CDC42: variants seen among roughly 807,000 people sequenced by gnomAD.
CDC42 encodes cell division cycle 42, also known as cell division control protein 42 homolog.
Under a neutral mutation model 20.8 loss-of-function variants are expected in CDC42, and 1 was observed. The ratio of observed to expected loss-of-function variants is 0.05; its 90% CI spans 0.02 to 0.23. The LOEUF is 0.23. CDC42 is among the 10% of genes least tolerant of loss of function. The pLI is 1.00. For missense variants in CDC42, 49 were observed against 227.9 expected (o/e 0.21, Z 5.05); for synonymous variants, 72 against 84.8 (o/e 0.85, Z 0.83).
intron 1 of CDC42, among the ~76,000 whole-genome samples, chr1:22,054,542 C>T (rs2152824997): frequency 6.6e-6 from 1 of 152,224 alleles, no homozygotes; most frequent in South Asian, 2.1e-4. Flanking sequence ...AAAATGTTGA[C>T]TCTGTAAAGC....
chr1:22,070,883 A>C (rs1436957017), intron 1 of CDC42, among the ~76,000 whole-genome samples: 1 of 152,138 alleles, frequency 6.6e-6, no homozygotes, highest in African/African-American at 2.4e-5. Flanking sequence ...GTCAGGTTAT[A>C]AATGACCCTG....
In CDC42 at chr1:22,100,889, A is replaced by G. The variant is rs1645785136; in HGVS notation, c.*9372A>G. ...GTAAGGTTTGCACTAGTTTGATGGGAGAGGGATTTTTTTTGTCTTGATTCT... is the reference window on the plus strand; with the variant it reads ...GTAAGGTTTGCACTAGTTTGATGGGGGAGGGATTTTTTTTGTCTTGATTCT... On this transcript the variant is annotated 3_prime_UTR_variant, in exon 6 of 6. Coordinates refer to ENST00000656825, the MANE Select transcript of CDC42 (RefSeq NM_001791.4). 6.6e-6 allele frequency: 1 copy of G among 152,108 alleles called. No individual in the cohort carries two copies. Among genetic ancestry groups the G allele is most frequent in the African/African-American group, 2.4e-5 (1 of 41,420 alleles). The allele number at this position is 152,108 out of a possible 1,614,324, so 9.4% of individuals were successfully genotyped here.
At chr1:22,070,706 C>T (rs2501256) in intron 1 of CDC42, among the ~76,000 whole-genome samples, 96,702 of 151,716 alleles carry the variant, frequency 0.64, 31,277 homozygotes, top group Middle Eastern at 0.74. Flanking sequence ...CCTCGTGATC[C>T]GCCTGCCTCG....
rs6657399 is a variant in CDC42, at chr1:22,060,941, C to T, written c.-51+8199C>T. Among the ~76,000 whole-genome samples the T allele has an allele frequency of 4.8e-3, 734 of 152,122 alleles. 5 individuals carry two copies. Among genetic ancestry groups the T allele is most frequent in the African/African-American group, 0.016 (662 of 41,530 alleles). ...TGTTTTTTTATTTTGCTATTTTATT[C>T]GTGCTGTTTATTTGCTCTGTTCATC... On this transcript the variant is annotated intron_variant, in intron 1 of 5. Transcript: ENST00000656825.
At chr1:22,090,836 C>G (rs371290021) in intron 5 of CDC42, 1 of 982,934 alleles carries the variant, frequency 1.0e-6, no homozygotes, top group African/African-American at 1.7e-5. Context: ...TCCTGTTGCA[C>G]TGACTGGCTC....
intron 1 of CDC42, among the ~76,000 whole-genome samples, chr1:22,076,432 T>TACAC (rs369972777): frequency 1.7e-4 from 25 of 149,574 alleles, no homozygotes; most frequent in South Asian, 4.2e-4. Flanking sequence ...CACTGACACA[T>TACAC]ACACACACAC....
chr1:22,068,132 A>G (rs17837965), intron 1 of CDC42, among the ~76,000 whole-genome samples: 8,453 of 152,250 alleles, frequency 0.056, 376 homozygotes, highest in East Asian at 0.12. Flanking sequence ...ATCAAGGGCT[A>G]AAAATCCACT....
In CDC42 at chr1:22,095,365, G is replaced by T. The variant is rs1247431965; in HGVS notation, c.*3848G>T. Among the ~76,000 whole-genome samples the T allele has an allele frequency of 6.6e-6, 1 of 152,044 alleles. No individual in the cohort carries two copies. Among genetic ancestry groups the T allele is most frequent in the African/African-American group, 2.4e-5 (1 of 41,400 alleles). ...GCTCATTGCAAGCTCCGCCTCCCGG[G>T]TTCACACCATTCTCCTGCCTCAGCC... On this transcript the variant is annotated 3_prime_UTR_variant, in exon 6 of 6. Transcript: ENST00000656825.
Position 22,099,223 on chromosome 1 carries a change from A to C in CDC42, c.*7706A>C, listed in dbSNP as rs1045149994. Among the ~76,000 whole-genome samples the C allele has an allele frequency of 1.6e-4, 25 of 152,248 alleles. No individual in the cohort carries two copies. Among genetic ancestry groups the C allele is most frequent in the African/African-American group, 6.0e-4 (25 of 41,474 alleles). On this transcript the variant is annotated 3_prime_UTR_variant, in exon 6 of 6. Transcript: ENST00000656825. ...GTGCATTAAGGAAGGAATATTAATC[A>C]CATCCAGGAGGGCTCTGCCCTAACT...
At chr1:22,072,817 G>A (rs1645506786) in intron 1 of CDC42, among the ~76,000 whole-genome samples, 1 of 152,006 alleles carries the variant, frequency 6.6e-6, no homozygotes, top group Non-Finnish European at 1.5e-5. Flanking sequence ...TAGGAAGTGG[G>A]GACGGAAACC....
intron 1 of CDC42, among the ~76,000 whole-genome samples, chr1:22,061,474 T>G (rs1029541012): frequency 6.6e-6 from 1 of 150,758 alleles, no homozygotes; most frequent in African/African-American, 2.4e-5. Context: ...TGTATATAAG[T>G]TTATTTTAAA....
chr1:22,077,646 C>A (rs1016494), intron 1 of CDC42, among the ~76,000 whole-genome samples: 1,889 of 152,270 alleles, frequency 0.012, 16 homozygotes, highest in Non-Finnish European at 0.019. Context: ...GATAATGATT[C>A]TAAGAGACTC....
intron 1 of CDC42, among the ~76,000 whole-genome samples, chr1:22,067,440 A>C (rs957322633): frequency 1.3e-5 from 2 of 151,908 alleles, no homozygotes; most frequent in African/African-American, 4.8e-5. Flanking sequence ...CTCTCAGCTC[A>C]CTGCAACCTC....
chr1:22,087,885 A>G (rs527368845), intron 5 of CDC42, among the ~76,000 whole-genome samples: 2 of 152,328 alleles, frequency 1.3e-5, no homozygotes, highest in African/African-American at 4.8e-5. Context: ...TATTTAGTTT[A>G]TAGGGCCTAG....
In CDC42 at chr1:22,096,294, A is replaced by G. The variant is rs1380595842; in HGVS notation, c.*4777A>G. Among the ~76,000 whole-genome samples the G allele has an allele frequency of 3.2e-5, 1 of 31,274 alleles. No individual in the cohort carries two copies. Among genetic ancestry groups the G allele is most frequent in the African/African-American group, 2.3e-4 (1 of 4,264 alleles). 20.5% of individuals were successfully genotyped at this position (31,274 alleles called of 152,430 possible). A position where few individuals can be genotyped will look rare whatever the true frequency, so the allele number is the denominator to read the frequency against. Reference sequence around the variant, plus strand: ...TTCTTACAGTGAATTAGTAAATTCAACAAATAGGTTTTTTTAAAGCAATTA... The same window carrying G: ...TTCTTACAGTGAATTAGTAAATTCAGCAAATAGGTTTTTTTAAAGCAATTA... On this transcript the variant is annotated 3_prime_UTR_variant, in exon 6 of 6. Transcript: ENST00000656825.
intron 5 of CDC42, among the ~76,000 whole-genome samples, chr1:22,091,022 G>A (rs1260250296): frequency 6.6e-6 from 1 of 152,094 alleles, no homozygotes; most frequent in Non-Finnish European, 1.5e-5. Flanking sequence ...ACCCGTGCCC[G>A]TCCTCTCAGT....
rs922369414 is a variant in CDC42, at chr1:22,093,186, T to A, written c.*1669T>A. 6.6e-6 allele frequency among the ~76,000 whole-genome samples: 1 copy of A among 152,148 alleles called. No homozygotes were observed. The highest frequency in any genetic ancestry group is 2.4e-5 in the African/African-American group (1 of 41,426). On this transcript the variant is annotated 3_prime_UTR_variant, in exon 6 of 6. Transcript: ENST00000656825. ...AAATACCAAGTAGGTCCATAATAATTCTTAGTGAAGCAGTGTTCAGGAAGC... is the reference window on the plus strand; with the variant it reads ...AAATACCAAGTAGGTCCATAATAATACTTAGTGAAGCAGTGTTCAGGAAGC...
intron 5 of CDC42, chr1:22,090,554 T>G (rs1260770051): frequency 1.0e-6 from 1 of 987,424 alleles, no homozygotes; most frequent in Non-Finnish European, 1.2e-6. Context: ...TTTGGCTGTC[T>G]GTGCTGTAGT....
intron 1 of CDC42, among the ~76,000 whole-genome samples, chr1:22,066,152 C>G (rs1170572598): frequency 3.3e-5 from 5 of 152,078 alleles, no homozygotes; most frequent in African/African-American, 1.2e-4. Flanking sequence ...ATTGTATTGG[C>G]TGCATTGGGA....
Sources: gnomAD v4.1 joint callset for allele counts (sites outside exome capture counted in the v4.1 genomes callset) on GRCh38, gnomAD v4.1.1 for gene constraint, MANE v1.5 for transcripts, NCBI Gene and HGNC (gene_info 2026-07-23, HGNC 2026-07-21) for gene names.